CTDSP2: variants seen among roughly 807,000 people sequenced by gnomAD.
CTDSP2 encodes the protein CTD small phosphatase 2.
A neutral mutation model predicts 31.6 loss-of-function variants in CTDSP2; 9 were observed. The ratio of observed to expected loss-of-function variants is 0.28; its 90% CI spans 0.17 to 0.50. CTDSP2 has a LOEUF of 0.50. Ranked by LOEUF, CTDSP2 falls within the 20% of genes least tolerant of loss-of-function variation. The pLI is 0.98. For missense variants in CTDSP2, 267 were observed against 348.5 expected (o/e 0.77, Z 1.86); for synonymous variants, 134 against 134.5 (o/e 1.00, Z 0.03).
At chr12:57,844,897 C>A (rs1202205682) in intron 1 of CTDSP2, among the ~76,000 whole-genome samples, 1 of 143,058 alleles carries the variant, frequency 7.0e-6, no homozygotes, top group Admixed American at 6.9e-5. Context: ...CACTGCCTCC[C>A]TCCCCCCACC....
chr12:57,832,189 G>C (rs941253661), intron 1 of CTDSP2, among the ~76,000 whole-genome samples: 5 of 152,172 alleles, frequency 3.3e-5, no homozygotes, highest in Non-Finnish European at 7.3e-5. Flanking sequence ...CCTTAACATT[G>C]GTATGGCCAT....
intron 1 of CTDSP2, among the ~76,000 whole-genome samples, chr12:57,841,244 C>G (rs1352298173): frequency 2.6e-5 from 4 of 152,188 alleles, no homozygotes. Flanking sequence ...AAAAGCAGAT[C>G]AATGCTGCTT....
chr12:57,842,192 T>A (rs944925058), intron 1 of CTDSP2: 1 of 152,178 alleles, frequency 6.6e-6, no homozygotes, highest in Non-Finnish European at 1.5e-5. Context: ...ATACACACAA[T>A]CCCATATATA....
rs1265474452 is a variant in CTDSP2 at position 57,822,359 on chromosome 12, A to T, written c.*1243T>A. 1 of 152,286 alleles carries T rather than the reference A, an allele frequency of 6.6e-6. No homozygotes were observed. The highest frequency in any genetic ancestry group is 1.5e-5 in the Non-Finnish European group (1 of 68,062). The allele number at this position is 152,286 out of a possible 1,614,324, so 9.4% of individuals were successfully genotyped here. On this transcript the variant is annotated 3_prime_UTR_variant, in exon 8 of 8. Coordinates refer to ENST00000398073, the MANE Select transcript of CTDSP2 (RefSeq NM_005730.4). The stretch of plus-strand genomic sequence containing the variant: ...GAGGGGCTCACTCACTCCTGTTACC[A>T]GAGGCAGAAAGCATGCGCATTAGGC...
Position 57,826,991 on chromosome 12 carries a change from G to A in CTDSP2, c.354+5C>T, listed in dbSNP as rs1284022823. On this transcript the variant is annotated splice_donor_5th_base_variant and intron_variant, in intron 4 of 7. Transcript: ENST00000398073. Reference sequence around the variant, plus strand: ...AGGTAGGAAGGGTTCCAGACATTGAGTTACCTTAAAGGAGCTATGCACAAG... The same window carrying A: ...AGGTAGGAAGGGTTCCAGACATTGAATTACCTTAAAGGAGCTATGCACAAG... The A allele has an allele frequency of 6.2e-7, 1 of 1,605,052 alleles. No homozygotes were observed. Among genetic ancestry groups the A allele is most frequent in the Non-Finnish European group, 8.5e-7 (1 of 1,172,982 alleles).
chr12:57,839,721 CT>C (rs1449401743), intron 1 of CTDSP2, among the ~76,000 whole-genome samples: 2 of 151,112 alleles, frequency 1.3e-5, no homozygotes, highest in Non-Finnish European at 1.5e-5. Flanking sequence ...AAGACTCCAT[CT>C]CAAAAAAAAA....
intron 3 of CTDSP2, 109 bp downstream of exon 3, chr12:57,827,443 G>C: frequency 1.7e-6 from 2 of 1,200,752 alleles, no homozygotes; most frequent in Non-Finnish European, 1.2e-6. Context: ...CCCAGGTCAG[G>C]GAGGTGGCTG....
intron 2 of CTDSP2, among the ~76,000 whole-genome samples, chr12:57,827,947 T>G (rs1251909560): frequency 2.6e-5 from 4 of 152,170 alleles, no homozygotes; most frequent in African/African-American, 4.8e-5. Context: ...AAACTCTCGC[T>G]AAGTCCTTAA....
chr12:57,842,155 G>T (rs1486686241), intron 1 of CTDSP2: 6 of 152,110 alleles, frequency 3.9e-5, no homozygotes, highest in Non-Finnish European at 8.8e-5. Flanking sequence ...GAATTGGAAG[G>T]GAAGCTATGT....
chr12:57,824,136 C>T, intron 6 of CTDSP2, 47 bp from the exon 7 acceptor site: 1 of 1,611,106 alleles, frequency 6.2e-7, no homozygotes, highest in Non-Finnish European at 8.5e-7. Context: ...CCTGGTCCTC[C>T]TGTATAACCC....
At chr12:57,831,011 G>A (rs1175112208) in intron 1 of CTDSP2, among the ~76,000 whole-genome samples, 1 of 149,430 alleles carries the variant, frequency 6.7e-6, no homozygotes, top group African/African-American at 2.5e-5. Flanking sequence ...GCCTTCCAAA[G>A]TGCTGGGATT....
At chr12:57,832,969 G>A (rs1029897194) in intron 1 of CTDSP2, among the ~76,000 whole-genome samples, 13 of 152,094 alleles carry the variant, frequency 8.5e-5, no homozygotes, top group African/African-American at 2.7e-4. Context: ...CAGGACAGAC[G>A]CTGACACAAA....
Position 57,829,401 on chromosome 12 carries a change from T to G in CTDSP2, c.213+47A>C, listed in dbSNP as rs750159151. The G allele has an allele frequency of 5.6e-6, 9 of 1,600,570 alleles. No homozygotes were observed. In the South Asian group the frequency reaches 9.9e-5, roughly 18 times the overall value. ...TGCCATCGTCTGCAGGGATCTCCCA[T>G]TAACAGTCCCTTCATTGCTGGCATC... On this transcript the variant is annotated intron_variant, in intron 2 of 7. Coordinates refer to ENST00000398073, the MANE Select transcript of CTDSP2 (RefSeq NM_005730.4).
At chr12:57,827,202 C>A in intron 3 of CTDSP2, 105 bp from the exon 4 acceptor site, 1 of 811,950 alleles carries the variant, frequency 1.2e-6, no homozygotes, top group Non-Finnish European at 2.1e-6. Context: ...ACACAATCAC[C>A]AACCCAGGAT....
At chr12:57,828,255 A>G (rs1005321890) in intron 2 of CTDSP2, among the ~76,000 whole-genome samples, 1 of 152,148 alleles carries the variant, frequency 6.6e-6, no homozygotes, top group Non-Finnish European at 1.5e-5. Context: ...CTCCGTCTCT[A>G]CTAAAAATAC....
At chr12:57,824,360 A>G in intron 5 of CTDSP2, 41 bp from the exon 6 acceptor site, 1 of 1,481,010 alleles carries the variant, frequency 6.8e-7, no homozygotes, top group Non-Finnish European at 9.4e-7. Context: ...CATCCCTGTG[A>G]TGAAGGTTTG....
chr12:57,840,851 T>C (rs1379367588), intron 1 of CTDSP2, among the ~76,000 whole-genome samples: 1 of 152,098 alleles, frequency 6.6e-6, no homozygotes, highest in Admixed American at 6.5e-5. Flanking sequence ...ACTCCTAGAA[T>C]AGCTAACATA....
chr12:57,821,499 C>A lies in CTDSP2; in HGVS notation c.*2103G>T, dbSNP rs566528747. The stretch of plus-strand genomic sequence containing the variant: ...TCAGTCAGCTTAGAGCCTCTTATTG[C>A]TTATTTAGTCAGAAAAGCCTGGCTG... On this transcript the variant is annotated 3_prime_UTR_variant, in exon 8 of 8. Coordinates refer to ENST00000398073, the MANE Select transcript of CTDSP2 (RefSeq NM_005730.4). 5 of 152,716 alleles carry A rather than the reference C, an allele frequency of 3.3e-5. No individual in the cohort carries two copies. The South Asian group carries it at 1.0e-3, about 32-fold the overall frequency. 9.5% of individuals were successfully genotyped at this position (152,716 alleles called of 1,614,324 possible). A position where few individuals can be genotyped will look rare whatever the true frequency, so the allele number is the denominator to read the frequency against.
chr12:57,822,103 C>T lies in CTDSP2; in HGVS notation c.*1499G>A, dbSNP rs1383044641. The stretch of plus-strand genomic sequence containing the variant: ...TGGGAACAGGAGCGCCCTCCCACCC[C>T]AGGAGGAGGGAGGGAGGGAGGAGAG... On this transcript the variant is annotated 3_prime_UTR_variant, in exon 8 of 8. Transcript: ENST00000398073. 1 of 152,294 alleles carries T rather than the reference C, an allele frequency of 6.6e-6. No homozygotes were observed. The highest frequency in any genetic ancestry group is 1.5e-5 in the Non-Finnish European group (1 of 67,982). The allele number at this position is 152,294 out of a possible 1,614,324, so 9.4% of individuals were successfully genotyped here.
Sources: allele counts gnomAD v4.1 joint callset (sites outside exome capture counted in the v4.1 genomes callset), GRCh38; gene constraint gnomAD v4.1.1; transcripts MANE v1.5; gene names NCBI Gene and HGNC (gene_info 2026-07-23, HGNC 2026-07-21).